The following SLC16A12 variants were observed in gnomAD, a reference collection of about 807,000 sequenced individuals.
SLC16A12 encodes solute carrier family 16 member 12.
SLC16A12 carries 17 observed loss-of-function variants against 42.4 expected under a neutral mutation model. The observed-to-expected ratio is 0.40, with a 90% CI of 0.27 to 0.60. SLC16A12 has a LOEUF of 0.60. Among genes scored for constraint, SLC16A12 ranks in the 20% least tolerant of loss-of-function variants. SLC16A12 has a pLI of 0.42. For synonymous variants in SLC16A12, 224 were observed against 229.4 expected (o/e 0.98, Z 0.21); for missense variants, 544 against 623.0 (o/e 0.87, Z 1.35).
chr10:89,479,088 G>A lies in SLC16A12; in HGVS notation c.-46-16464C>T, dbSNP rs180828262. 8.5e-4 allele frequency among the ~76,000 whole-genome samples: 129 copies of A among 152,248 alleles called. 2 individuals carry two copies. Among genetic ancestry groups the A allele is most frequent in the Middle Eastern group, 3.4e-3 (1 of 294 alleles). ...CTTACTAATAGTGAACTGTCACTTA[G>A]TGTCTCAGTGCCTCATTCCTTATCT... On this transcript the variant is annotated intron_variant, in intron 2 of 7. Transcript: ENST00000371790.
At chr10:89,540,500 T>A (rs1344881668), upstream of SLC16A12, among the ~76,000 whole-genome samples, 2 of 152,210 alleles carry the variant, frequency 1.3e-5, no homozygotes, top group Non-Finnish European at 2.9e-5. Flanking sequence ...CCACTGTCCT[T>A]TCTTAATGTA....
At chr10:89,535,742 C>A (rs1843647766), upstream of SLC16A12, among the ~76,000 whole-genome samples, 1 of 152,048 alleles carries the variant, frequency 6.6e-6, no homozygotes, top group Non-Finnish European at 1.5e-5. Flanking sequence ...GGGGCGCACC[C>A]GCCGAGCCGC....
intron 1 of SLC16A12, chr10:89,556,395 G>A (rs1200809422): frequency 6.6e-6 from 1 of 152,134 alleles, no homozygotes; most frequent in Non-Finnish European, 1.5e-5. Context: ...CTATCTCTCT[G>A]TCTGTTTGTC....
Position 89,460,176 on chromosome 10 carries a change from C to T in SLC16A12, c.200+2203G>A, listed in dbSNP as rs11203139. On this transcript the variant is annotated intron_variant, in intron 3 of 7. Transcript: ENST00000371790. ...ATCCCTCCTTCTAAAGCATTGTGCC[C>T]ACTTCCAGAACTCTTTCATCATGGG... Among the ~76,000 whole-genome samples the T allele has an allele frequency of 2.4e-3, 367 of 152,272 alleles. 1 individual carries two copies. Among genetic ancestry groups the T allele is most frequent in the African/African-American group, 8.5e-3 (355 of 41,556 alleles).
chr10:89,430,730 C>A lies in SLC16A12; in HGVS notation c.*2334G>T, dbSNP rs1191151402. 1 of 462,472 alleles carries A rather than the reference C, an allele frequency of 2.2e-6. No homozygotes were observed. Among genetic ancestry groups the A allele is most frequent in the Non-Finnish European group, 4.4e-6 (1 of 224,888 alleles). The allele number at this position is 462,472 out of a possible 1,614,324, so 28.6% of individuals were successfully genotyped here. On this transcript the variant is annotated 3_prime_UTR_variant, in exon 8 of 8. Coordinates refer to ENST00000371790, the MANE Select transcript of SLC16A12 (RefSeq NM_213606.4). ...TCTATGCATGTATAAAGTCAAATCT[C>A]CCAAATGTTTTTATACAAAATCTTT...
intron 2 of SLC16A12, among the ~76,000 whole-genome samples, chr10:89,482,337 C>T (rs1842677022): frequency 6.6e-6 from 1 of 151,878 alleles, no homozygotes. Flanking sequence ...TTCCAAAGGC[C>T]AGTGTAGTCA....
intron 2 of SLC16A12, among the ~76,000 whole-genome samples, chr10:89,554,087 A>AGAAAGAAGGAAGGAAGGAAGGAAG (rs1843790365): frequency 2.7e-3 from 93 of 34,218 alleles, no homozygotes; most frequent in African/African-American, 9.5e-3. Context: ...AAAGAAAGAA[A>AGAAAGAAGGAAGGAAGGAAGGAAG]GAAAGAAAGA....
intron 2 of SLC16A12, among the ~76,000 whole-genome samples, chr10:89,513,194 G>A (rs992669257): frequency 6.6e-6 from 1 of 151,982 alleles, no homozygotes; most frequent in Non-Finnish European, 1.5e-5. Flanking sequence ...ATGAAACCGC[G>A]ATCATTTAAT....
At chr10:89,522,931 T>C (rs1051061154) in intron 2 of SLC16A12, among the ~76,000 whole-genome samples, 1 of 152,228 alleles carries the variant, frequency 6.6e-6, no homozygotes, top group Admixed American at 6.5e-5. Flanking sequence ...GATGGGATTT[T>C]CCTCCACTTC....
At chr10:89,457,138 A>T (rs1305978892) in intron 3 of SLC16A12, among the ~76,000 whole-genome samples, 1 of 152,214 alleles carries the variant, frequency 6.6e-6, no homozygotes, top group Non-Finnish European at 1.5e-5. Flanking sequence ...GGATCTAATT[A>T]AACTAAAGAG....
chr10:89,539,548 G>A (rs1843698973), upstream of SLC16A12, among the ~76,000 whole-genome samples: 1 of 152,182 alleles, frequency 6.6e-6, no homozygotes. Flanking sequence ...GTTTGTTCCT[G>A]TTATTTGGTC....
At chr10:89,532,170 TTAAA>T (rs1435835205) in intron 2 of SLC16A12, among the ~76,000 whole-genome samples, 10 of 152,218 alleles carry the variant, frequency 6.6e-5, no homozygotes, top group African/African-American at 4.8e-5. Flanking sequence ...AGCACACTAA[TTAAA>T]TAATTAATTA....
At chr10:89,528,737 C>A (rs1843495025) in intron 2 of SLC16A12, among the ~76,000 whole-genome samples, 1 of 152,196 alleles carries the variant, frequency 6.6e-6, no homozygotes, top group South Asian at 2.1e-4. Flanking sequence ...TCAACCCTGG[C>A]TGTACATGAG....
intron 1 of SLC16A12, among the ~76,000 whole-genome samples, chr10:89,556,287 CA>C (rs1843815532): frequency 6.6e-6 from 1 of 152,060 alleles, no homozygotes; most frequent in South Asian, 2.1e-4. Flanking sequence ...GTGACTCAAC[CA>C]CTCCTGACCA....
At chr10:89,537,145 GTTTTTTT>G (rs376769096), upstream of SLC16A12, among the ~76,000 whole-genome samples, 2 of 105,648 alleles carry the variant, frequency 1.9e-5, no homozygotes, top group East Asian at 5.3e-4. Flanking sequence ...CCGTAGGTAT[GTTTTTTT>G]TTTTTTTTTT....
chr10:89,539,350 A>G (rs1280929110), upstream of SLC16A12, among the ~76,000 whole-genome samples: 1 of 152,074 alleles, frequency 6.6e-6, no homozygotes, highest in Non-Finnish European at 1.5e-5. Flanking sequence ...CCTACTCAGA[A>G]TTGAGTACTA....
At chr10:89,515,018 G>A (rs540515472) in intron 2 of SLC16A12, among the ~76,000 whole-genome samples, 2 of 152,192 alleles carry the variant, frequency 1.3e-5, no homozygotes, top group Admixed American at 6.5e-5. Flanking sequence ...CTTGAACCCA[G>A]GAGGCAGAGG....
rs1841954923 is a variant in SLC16A12, at chr10:89,443,814, C to T, written c.246G>A (p.Gln82=). 1 of 1,613,950 alleles carries T rather than the reference C, an allele frequency of 6.2e-7. No individual in the cohort carries two copies. Among genetic ancestry groups the T allele is most frequent in the Admixed American group, 1.7e-5 (1 of 60,024 alleles). ...GGATCCATGCCGTTTGTGCGTAATC[C>T]TGAGTGAAGTATGTCTGGAACTCCA... The part of the protein sequence containing the change: ...FFVEFQTYFT[Q]DYAQTAWIHS... The change falls in exon 4 of 8, where the codon CAG becomes CAA. Residue 82 remains glutamine, a synonymous_variant. Coordinates refer to ENST00000371790, the MANE Select transcript of SLC16A12 (RefSeq NM_213606.4).
At chr10:89,436,033 G>A in intron 7 of SLC16A12, 27 bp downstream of exon 7, 1 of 1,613,136 alleles carries the variant, frequency 6.2e-7, no homozygotes, top group Admixed American at 1.7e-5. Flanking sequence ...GAGAAAAGGT[G>A]GTTGGGGTTT....
Sources: gnomAD v4.1 joint callset for allele counts (sites outside exome capture counted in the v4.1 genomes callset) on GRCh38, gnomAD v4.1.1 for gene constraint, MANE v1.5 for transcripts, NCBI Gene and HGNC (gene_info 2026-07-23, HGNC 2026-07-21) for gene names.